The following CLDN14 variants were observed in gnomAD, a reference collection of about 807,000 sequenced individuals.
CLDN14 encodes claudin 14, also known as claudin-14.
CLDN14 carries 2 observed loss-of-function variants against 2.1 expected under a neutral mutation model. That is an observed-to-expected ratio of 0.96 (90% CI 0.39 to 3.01). The LOEUF (loss-of-function observed/expected upper bound fraction) is 3.01. CLDN14 is among the 30% of genes most tolerant of loss of function. The pLI is 0.09. For synonymous variants in CLDN14, 136 were observed against 154.4 expected (o/e 0.88, Z 0.88); for missense variants, 298 against 328.0 (o/e 0.91, Z 0.71).
rs537739166 is a variant in CLDN14, at chr21:36,517,593, C to T, written c.-219-7093G>A. On this transcript the variant is annotated intron_variant, in intron 1 of 2. Coordinates refer to the CLDN14 transcript ENST00000342108. ...CAGCTTTTGTTGCAATGACAAGACTCGCCATGCATATTTAGTAGGCAGGGA... is the reference window on the plus strand; with the variant it reads ...CAGCTTTTGTTGCAATGACAAGACTTGCCATGCATATTTAGTAGGCAGGGA... 7.2e-5 allele frequency among the ~76,000 whole-genome samples: 11 copies of T among 152,274 alleles called. 1 individual carries two copies. The South Asian group carries it at 1.7e-3, about 23-fold the overall frequency.
intron 1 of CLDN14, among the ~76,000 whole-genome samples, chr21:36,515,314 C>T (rs2187301): frequency 0.82 from 124,946 of 152,116 alleles, 52,213 homozygotes; most frequent in Middle Eastern, 0.93. Flanking sequence ...CAATGTCCAT[C>T]GATGGGTGAA....
intron 1 of CLDN14, among the ~76,000 whole-genome samples, chr21:36,553,806 G>A (rs2087579004): frequency 6.6e-6 from 1 of 152,154 alleles, no homozygotes; most frequent in African/African-American, 2.4e-5. Context: ...GTGAGATGAG[G>A]GATGAGGCAT....
intron 1 of CLDN14, among the ~76,000 whole-genome samples, chr21:36,527,391 T>C (rs2087341603): frequency 6.6e-6 from 1 of 152,226 alleles, no homozygotes; most frequent in Non-Finnish European, 1.5e-5. Context: ...TGTAGCTGCG[T>C]CCAGAATAAT....
At chr21:36,532,353 A>G (rs1787033716) in intron 1 of CLDN14, 1 of 151,686 alleles carries the variant, frequency 6.6e-6, no homozygotes, top group Non-Finnish European at 1.5e-5. Context: ...GCCTTAAAAT[A>G]TATACAATTG....
At chr21:36,503,996 A>G (rs1354018823) in intron 2 of CLDN14, among the ~76,000 whole-genome samples, 1 of 140,280 alleles carries the variant, frequency 7.1e-6, no homozygotes, top group Non-Finnish European at 1.5e-5. Flanking sequence ...AAGAAAATAG[A>G]TTCATTAAAT....
upstream of CLDN14, among the ~76,000 whole-genome samples, chr21:36,482,383 TGGATGGATGGATGGATGGATGGATAGAC>T (rs1458188430): frequency 2.9e-4 from 40 of 139,236 alleles, no homozygotes; most frequent in Middle Eastern, 0.011. Context: ...GATGGATGGA[TGGATGGATGGATGGATGGATGGATAGAC>T]GGATGGATGG....
chr21:36,543,703 T>G (rs989985463), intron 1 of CLDN14, among the ~76,000 whole-genome samples: 1 of 152,164 alleles, frequency 6.6e-6, no homozygotes, highest in African/African-American at 2.4e-5. Flanking sequence ...AGCTGAAGAA[T>G]GGCGGAGCTG....
chr21:36,486,149 T>C (rs759459801), intron 2 of CLDN14: 2 of 1,276,274 alleles, frequency 1.6e-6, no homozygotes, highest in Admixed American at 3.4e-5. Context: ...GTAATCATCC[T>C]CCTCCTTGGC....
intron 2 of CLDN14, among the ~76,000 whole-genome samples, chr21:36,504,315 G>A (rs944119782): frequency 6.6e-6 from 1 of 151,932 alleles, no homozygotes; most frequent in Non-Finnish European, 1.5e-5. Flanking sequence ...ACTCAAGCCT[G>A]TCTCAGAAAA....
chr21:36,556,673 C>T (rs1465217658), intron 1 of CLDN14, among the ~76,000 whole-genome samples: 3 of 152,170 alleles, frequency 2.0e-5, no homozygotes, highest in Non-Finnish European at 4.4e-5. Context: ...TACCAGCTCC[C>T]GTGAATTCTC....
rs569484310 is a variant in CLDN14 at position 36,503,620 on chromosome 21, T to C, written c.-82+6743A>G. 3.3e-5 allele frequency among the ~76,000 whole-genome samples: 5 copies of C among 152,326 alleles called. No homozygotes were observed. In the South Asian group the frequency reaches 8.3e-4, roughly 25 times the overall value. ...GCCACATGGAACTATGAGTTTTCCATGAAATCTCTTTCCTTTGTAAATTGC... is the reference window on the plus strand; with the variant it reads ...GCCACATGGAACTATGAGTTTTCCACGAAATCTCTTTCCTTTGTAAATTGC... On this transcript the variant is annotated intron_variant, in intron 2 of 2. Transcript: ENST00000342108.
At chr21:36,476,538 C>T (rs1377744597) in intron 1 of CLDN14, among the ~76,000 whole-genome samples, 1 of 152,164 alleles carries the variant, frequency 6.6e-6, no homozygotes, top group Non-Finnish European at 1.5e-5. Flanking sequence ...CTGCAACCTC[C>T]GCCTCCCAGG....
intron 2 of CLDN14, among the ~76,000 whole-genome samples, chr21:36,496,181 A>G (rs1021891305): frequency 8.5e-5 from 13 of 152,116 alleles, no homozygotes; most frequent in Non-Finnish European, 1.2e-4. Context: ...AATGCCTGTA[A>G]TTCCAGCACT....
chr21:36,563,396 A>C (rs1265573526), intron 1 of CLDN14, among the ~76,000 whole-genome samples: 1 of 152,108 alleles, frequency 6.6e-6, no homozygotes, highest in Non-Finnish European at 1.5e-5. Context: ...GTTAATAACT[A>C]AACATGTTGG....
chr21:36,530,081 G>A (rs1469649622), intron 1 of CLDN14, among the ~76,000 whole-genome samples: 4 of 152,104 alleles, frequency 2.6e-5, no homozygotes, highest in Admixed American at 6.5e-5. Context: ...TCTTTGCATC[G>A]GATTTCAGTT....
intron 1 of CLDN14, among the ~76,000 whole-genome samples, chr21:36,473,269 A>C (rs764230123): frequency 1.1e-4 from 16 of 152,166 alleles, no homozygotes; most frequent in South Asian, 6.2e-4. Context: ...AATGTTTTAT[A>C]GAGATGGAGG....
chr21:36,507,806 G>A (rs151183351), intron 2 of CLDN14, among the ~76,000 whole-genome samples: 1 of 152,188 alleles, frequency 6.6e-6, no homozygotes, highest in East Asian at 1.9e-4. Context: ...ATAAGTAGAG[G>A]GAGTGTCTTG....
At chr21:36,486,176 A>G (rs561606383) in intron 2 of CLDN14, 3 of 1,132,376 alleles carry the variant, frequency 2.6e-6, no homozygotes, top group South Asian at 2.5e-5. Flanking sequence ...GCAAGTGTCC[A>G]TGGCTGAGCT....
At chr21:36,528,871 T>A (rs2087356726) in intron 1 of CLDN14, among the ~76,000 whole-genome samples, 2 of 152,168 alleles carry the variant, frequency 1.3e-5, no homozygotes, top group South Asian at 4.1e-4. Context: ...GCATCTGCTG[T>A]AGTGTGAGCC....
Sources: gnomAD v4.1 joint callset for allele counts (sites outside exome capture counted in the v4.1 genomes callset) on GRCh38, gnomAD v4.1.1 for gene constraint, MANE v1.5 for transcripts, NCBI Gene and HGNC (gene_info 2026-07-23, HGNC 2026-07-21) for gene names.